The following ADGRG1 variants were observed in gnomAD, a reference collection of about 807,000 sequenced individuals.
ADGRG1 encodes 7-transmembrane protein with no EGF-like N-terminal domains-1.
ADGRG1 carries 53 observed loss-of-function variants against 73.5 expected under a neutral mutation model. That is an observed-to-expected ratio of 0.72 (90% CI 0.58 to 0.91). ADGRG1 has a LOEUF of 0.91. ADGRG1 is among the 40% of genes least tolerant of loss of function. The pLI, the probability that ADGRG1 is intolerant of heterozygous loss-of-function variation, is 0.00. For synonymous variants in ADGRG1, 394 were observed against 374.4 expected, an observed-to-expected ratio of 1.05 and a Z score of -0.60; for missense variants, 795 against 871.8, an observed-to-expected ratio of 0.91 and a Z score of 1.11.
At chr16:57,656,183 G>C (rs377412421) in intron 7 of ADGRG1, 43 bp from the exon 8 acceptor site, 8 of 1,613,476 alleles carry the variant, frequency 5.0e-6, no homozygotes, top group Middle Eastern at 1.6e-4. Context: ...TTGGAGGGGT[G>C]GGGGGCTGTC....
At chr16:57,637,373 G>A in intron 1 of ADGRG1, 1 of 984,976 alleles carries the variant, frequency 1.0e-6, no homozygotes, top group Non-Finnish European at 1.2e-6. Flanking sequence ...ACTATGGGTG[G>A]GGCTGGGGAA....
upstream of ADGRG1, chr16:57,628,209 CTCCT>C (rs1458626543): frequency 2.0e-6 from 2 of 983,214 alleles, no homozygotes; most frequent in Non-Finnish European, 1.2e-6. Flanking sequence ...AGGCTGGACT[CTCCT>C]TCAGGAAAGG....
chr16:57,635,643 CT>C, intron 1 of ADGRG1: 1 of 984,850 alleles, frequency 1.0e-6, no homozygotes, highest in Non-Finnish European at 1.2e-6. Flanking sequence ...AACCCCGCCC[CT>C]GTTCCCTGGG....
In ADGRG1 at chr16:57,659,545, C is replaced by T; in HGVS notation, c.1419C>T (p.Ala473=). ...CTGAGGCTGGCTGCCGAGCCAGTGC[C>T]ATCTTCCTGCACTTCTCCCTGCTCA... ...TGSEAGCRAS[A]IFLHFSLLTC... The change falls in exon 11 of 14, where the codon GCC becomes GCT. Residue 473 remains alanine, a synonymous_variant. Coordinates refer to ENST00000562631, the MANE Select transcript of ADGRG1 (RefSeq NM_201525.4). 1 of 1,614,154 alleles carries T rather than the reference C, an allele frequency of 6.2e-7. No homozygotes were observed. Among genetic ancestry groups the T allele is most frequent in the Non-Finnish European group, 8.5e-7 (1 of 1,180,012 alleles).
chr16:57,633,610 T>A, intron 1 of ADGRG1: 1 of 577,790 alleles, frequency 1.7e-6, no homozygotes, highest in African/African-American at 2.0e-5. Context: ...CTGGGACAGG[T>A]ATATTAACCT....
chr16:57,651,844 G>T (rs1055871326), intron 3 of ADGRG1: 6 of 1,446,236 alleles, frequency 4.1e-6, no homozygotes, highest in Non-Finnish European at 5.4e-6. Flanking sequence ...TCCCTTGATG[G>T]TTACTTTGTG....
At chr16:57,638,031 G>A (rs532038463) in intron 1 of ADGRG1, among the ~76,000 whole-genome samples, 1 of 152,328 alleles carries the variant, frequency 6.6e-6, no homozygotes, top group African/African-American at 2.4e-5. Context: ...CCTGTCTGGG[G>A]CGTACCACAG....
upstream of ADGRG1, chr16:57,627,026 A>G (rs747315631): frequency 1.7e-4 from 166 of 983,764 alleles, no homozygotes; most frequent in Non-Finnish European, 1.9e-4. Flanking sequence ...TGCCCCAGGT[A>G]TTGGCCCACA....
intron 1 of ADGRG1, chr16:57,648,632 C>G: frequency 1.0e-6 from 1 of 984,350 alleles, no homozygotes. Context: ...TCAAAAGCCA[C>G]CTCTTCCTGA....
chr16:57,655,341 G>A (rs979574912), intron 5 of ADGRG1, 58 bp from the exon 6 acceptor site: 3 of 1,602,814 alleles, frequency 1.9e-6, no homozygotes, highest in Non-Finnish European at 2.5e-6. Context: ...GTGTGCTAGG[G>A]TGGGGGGCAC....
At chr16:57,636,351 G>A in intron 1 of ADGRG1, 1 of 985,412 alleles carries the variant, frequency 1.0e-6, no homozygotes, top group Non-Finnish European at 1.2e-6. Context: ...GGAAAGGCAT[G>A]CGCTCCCAGG....
chr16:57,658,872 G>T, intron 10 of ADGRG1: 1 of 744,562 alleles, frequency 1.3e-6, no homozygotes, highest in Non-Finnish European at 1.6e-6. Flanking sequence ...GGCAGGGCAG[G>T]GTGGGACTCC....
At chr16:57,652,982 G>A in intron 3 of ADGRG1, 11 of 1,418,568 alleles carry the variant, frequency 7.8e-6, no homozygotes, top group Non-Finnish European at 1.0e-5. Flanking sequence ...TCCCGCTGGG[G>A]CTGGCATTGC....
chr16:57,644,785 C>G (rs1214494390), intron 1 of ADGRG1, among the ~76,000 whole-genome samples: 5 of 150,450 alleles, frequency 3.3e-5, no homozygotes, highest in Admixed American at 2.6e-4. Flanking sequence ...CATATGCACA[C>G]TCATGCATGG....
intron 1 of ADGRG1, chr16:57,641,084 G>A (rs1405899583): frequency 2.0e-6 from 2 of 977,420 alleles, no homozygotes; most frequent in African/African-American, 1.8e-5. Context: ...GTTCTTACCT[G>A]TAGGCATCCT....
At chr16:57,649,421 G>A (rs1381846698) in intron 1 of ADGRG1, among the ~76,000 whole-genome samples, 4 of 152,252 alleles carry the variant, frequency 2.6e-5, no homozygotes, top group African/African-American at 9.6e-5. Context: ...GGTGGGGAGG[G>A]GCTTTGGCCA....
intron 1 of ADGRG1, chr16:57,643,496 T>G (rs1294421417): frequency 1.1e-6 from 1 of 871,916 alleles, no homozygotes; most frequent in African/African-American, 1.8e-5. Flanking sequence ...CAGAGGGTGT[T>G]GTGGCTCAAG....
At position 57,628,633 on chromosome 16, in the gene ADGRG1, C is replaced by G. The variant is rs1170477007; in HGVS notation, c.-205C>G. ...CAAACCCGGTCCCTCCCTCTCCGCACTAGCTGTCTGCCCTGCCCTGCCGTA... is the reference window on the plus strand; with the variant it reads ...CAAACCCGGTCCCTCCCTCTCCGCAGTAGCTGTCTGCCCTGCCCTGCCGTA... On this transcript the variant is annotated 5_prime_UTR_variant, in exon 1 of 14. Coordinates refer to ENST00000562631, the MANE Select transcript of ADGRG1 (RefSeq NM_201525.4). The G allele has an allele frequency of 4.1e-6, 4 of 985,398 alleles. No homozygotes were observed. The African/African-American group carries it at 7.0e-5, about 17-fold the overall frequency. 61.0% of individuals were successfully genotyped at this position (985,398 alleles called of 1,614,324 possible). A position where few individuals can be genotyped will look rare whatever the true frequency, so the allele number is the denominator to read the frequency against.
chr16:57,658,005 G>A (rs774494911), intron 10 of ADGRG1, among the ~76,000 whole-genome samples: 34 of 152,252 alleles, frequency 2.2e-4, no homozygotes, highest in Non-Finnish European at 4.9e-4. Flanking sequence ...GCCCCCCGAA[G>A]CGCTGGGATT....
Sources: allele counts gnomAD v4.1 joint callset (sites outside exome capture counted in the v4.1 genomes callset), GRCh38; gene constraint gnomAD v4.1.1; transcripts MANE v1.5; gene names NCBI Gene and HGNC (gene_info 2026-07-23, HGNC 2026-07-21).